Variants in SLC28A3 observed in about 807,000 individuals in gnomAD.
SLC28A3 encodes the protein solute carrier family 28 member 3.
Under a neutral mutation model 84.2 loss-of-function variants are expected in SLC28A3, and 68 were observed. The ratio of observed to expected loss-of-function variants is 0.81; its 90% CI spans 0.66 to 0.99. SLC28A3 has a LOEUF of 0.99. SLC28A3 is among the 50% of genes least tolerant of loss of function. The pLI, the probability that SLC28A3 is intolerant of heterozygous loss-of-function variation, is 0.00. For missense variants in SLC28A3, 712 were observed against 841.5 expected (o/e 0.85, Z 1.90); for synonymous variants, 267 against 303.6 (o/e 0.88, Z 1.25).
upstream of SLC28A3, among the ~76,000 whole-genome samples, chr9:84,343,170 C>T (rs931456572): frequency 2.7e-5 from 4 of 149,950 alleles, no homozygotes; most frequent in Non-Finnish European, 5.9e-5. Flanking sequence ...GGTGACAGAG[C>T]AAGACTCCAT....
intron 11 of SLC28A3, among the ~76,000 whole-genome samples, chr9:84,289,147 C>A (rs1441452373): frequency 6.6e-6 from 1 of 152,192 alleles, no homozygotes; most frequent in Non-Finnish European, 1.5e-5. Flanking sequence ...CCTGTTCCCC[C>A]CAGAACATTT....
chr9:84,290,109 A>G (rs768586746), intron 11 of SLC28A3, 45 bp downstream of exon 11: 2 of 1,594,336 alleles, frequency 1.3e-6, no homozygotes, highest in Non-Finnish European at 1.7e-6. Flanking sequence ...AACAATAATA[A>G]AGAAAGAAGA....
chr9:84,319,520 A>C (rs73649408), intron 1 of SLC28A3, among the ~76,000 whole-genome samples: 1,729 of 152,266 alleles, frequency 0.011, 33 homozygotes, highest in African/African-American at 0.039. Context: ...AAATAAAAAC[A>C]TAAAAATTAT....
At chr9:84,340,381 C>G (rs1042142360) in intron 1 of SLC28A3, among the ~76,000 whole-genome samples, 193 bp downstream of exon 1, 1 of 152,092 alleles carries the variant, frequency 6.6e-6, no homozygotes, top group African/African-American at 2.4e-5. Flanking sequence ...CACAACACAT[C>G]GATTAAAAGA....
At chr9:84,335,841 A>G (rs1253641500) in intron 1 of SLC28A3, among the ~76,000 whole-genome samples, 1 of 152,072 alleles carries the variant, frequency 6.6e-6, no homozygotes, top group Non-Finnish European at 1.5e-5. Context: ...CAGAGGAGAA[A>G]ACAGAAATCT....
intron 1 of SLC28A3, among the ~76,000 whole-genome samples, chr9:84,314,452 C>T (rs142408892): frequency 2.6e-5 from 4 of 152,272 alleles, no homozygotes; most frequent in East Asian, 3.9e-4. Flanking sequence ...GTTAGCCCAA[C>T]GACTATGACT....
At chr9:84,347,497 G>C in the SLC28A3 span, among the ~76,000 whole-genome samples, 1 of 152,162 alleles carries the variant, frequency 6.6e-6, no homozygotes, top group Non-Finnish European at 1.5e-5. Flanking sequence ...CCCAGGGGAA[G>C]CACAACTGAA....
At chr9:84,348,737 T>C in the SLC28A3 span, among the ~76,000 whole-genome samples, 2 of 152,294 alleles carry the variant, frequency 1.3e-5, no homozygotes, top group East Asian at 3.9e-4. Flanking sequence ...GGGTTAGTTA[T>C]CCCAAGAGTG....
chr9:84,321,885 A>G (rs1169125794), intron 1 of SLC28A3, among the ~76,000 whole-genome samples: 1 of 152,018 alleles, frequency 6.6e-6, no homozygotes, highest in African/African-American at 2.4e-5. Flanking sequence ...CCCGGTCTCT[A>G]CTAAAAACAC....
intron 1 of SLC28A3, among the ~76,000 whole-genome samples, chr9:84,320,554 C>A (rs1358067499): frequency 6.6e-6 from 1 of 152,140 alleles, no homozygotes. Flanking sequence ...GCTGTATCAG[C>A]CTTTTATGCT....
chr9:84,346,295 A>G, the SLC28A3 span, among the ~76,000 whole-genome samples: 1 of 148,616 alleles, frequency 6.7e-6, no homozygotes, highest in Non-Finnish European at 1.5e-5. Context: ...TTATTAAAAT[A>G]TGAAAGGAAA....
At chr9:84,334,944 G>A (rs1272789324) in intron 1 of SLC28A3, among the ~76,000 whole-genome samples, 1 of 152,014 alleles carries the variant, frequency 6.6e-6, no homozygotes, top group Non-Finnish European at 1.5e-5. Context: ...CCCCTCTCCT[G>A]GTTCTGCTGC....
In SLC28A3 at chr9:84,298,022, A is replaced by AT; in HGVS notation, c.670-4dup. ...CATAAGACAGGTCTCCAGTAAACCT[A>AT]TACAGAAAGATCAAGTGATATGTCT... On this transcript the variant is annotated splice_region_variant and splice_polypyrimidine_tract_variant and intron_variant, in intron 6 of 17. Coordinates refer to ENST00000376238, the MANE Select transcript of SLC28A3 (RefSeq NM_001199633.2). 6.2e-7 allele frequency: 1 copy of AT among 1,604,388 alleles called. No individual in the cohort carries two copies. Among genetic ancestry groups the AT allele is most frequent in the Non-Finnish European group, 8.5e-7 (1 of 1,176,448 alleles).
At chr9:84,357,984 G>A in the SLC28A3 span, among the ~76,000 whole-genome samples, 1 of 152,186 alleles carries the variant, frequency 6.6e-6, no homozygotes, top group Admixed American at 6.5e-5. Context: ...AAACTCACAT[G>A]AGGGCTCACT....
chr9:84,343,005 C>T (rs28418526), upstream of SLC28A3, among the ~76,000 whole-genome samples: 2 of 151,784 alleles, frequency 1.3e-5, no homozygotes, highest in African/African-American at 4.8e-5. Context: ...CTTCTAAATA[C>T]TACAAAAATT....
At chr9:84,313,512 T>G (rs1826063256) in intron 1 of SLC28A3, 58 bp from the exon 2 acceptor site, 1 of 1,435,488 alleles carries the variant, frequency 7.0e-7, no homozygotes, top group African/African-American at 1.4e-5. Flanking sequence ...ACAGATGTTC[T>G]TTCATGAAAA....
At chr9:84,317,266 A>G (rs917414652) in intron 1 of SLC28A3, among the ~76,000 whole-genome samples, 1 of 152,146 alleles carries the variant, frequency 6.6e-6, no homozygotes, top group African/African-American at 2.4e-5. Flanking sequence ...TCCGTTTGGA[A>G]ATTAGAACTT....
intron 1 of SLC28A3, among the ~76,000 whole-genome samples, chr9:84,333,463 A>G (rs1826861733): frequency 6.6e-6 from 1 of 152,192 alleles, no homozygotes; most frequent in South Asian, 2.1e-4. Context: ...TTCCTTTCAT[A>G]GGCTTGTAAC....
At chr9:84,302,749 T>C (rs1315675190) in intron 4 of SLC28A3, among the ~76,000 whole-genome samples, 1 of 151,918 alleles carries the variant, frequency 6.6e-6, no homozygotes, top group Non-Finnish European at 1.5e-5. Context: ...AAAGGCCGAG[T>C]GTTGAAGTGA....
Sources: allele counts gnomAD v4.1 joint callset (sites outside exome capture counted in the v4.1 genomes callset), GRCh38; gene constraint gnomAD v4.1.1; transcripts MANE v1.5; gene names NCBI Gene and HGNC (gene_info 2026-07-23, HGNC 2026-07-21).